The following CTSE variants were observed in gnomAD, a reference collection of about 807,000 sequenced individuals.
CTSE encodes cathepsin E.
Under a neutral mutation model 42.8 loss-of-function variants are expected in CTSE, and 43 were observed. The observed-to-expected ratio is 1.01, with a 90% confidence interval of 0.79 to 1.30. The LOEUF is 1.30. Among genes scored for constraint, CTSE ranks in the 50% most tolerant of loss-of-function variants. CTSE has a pLI of 0.00. For missense variants in CTSE, 532 were observed against 493.5 expected, an observed-to-expected ratio of 1.08 and a Z score of -0.74; for synonymous variants, 205 against 191.5, an observed-to-expected ratio of 1.07 and a Z score of -0.58.
chr1:206,021,079 CA>C lies in CTSE; in HGVS notation c.431del (p.Leu144CysfsTer15), dbSNP rs782596892. On this transcript the variant is annotated frameshift_variant, in exon 4 of 9. Coordinates refer to ENST00000358184, the MANE Select transcript of CTSE (RefSeq NM_001910.4). LOFTEE classifies it high-confidence loss of function. ...CTTGGTCGGCTCCAATGATCCCGGACAAGCTCCCGGTTCCATACTGAATGGA... is the reference window on the plus strand; with the variant it reads ...CTTGGTCGGCTCCAATGATCCCGGACAGCTCCCGGTTCCATACTGAATGGA... ...SFSIQYGTGS[L>X]SGIIGADQVS... 5 of 1,613,232 alleles carry C rather than the reference CA, an allele frequency of 3.1e-6. No homozygotes were observed. The highest frequency in any genetic ancestry group is 2.5e-6 in the Non-Finnish European group (3 of 1,179,238).
In CTSE at chr1:206,022,160, G is replaced by T. The variant is rs1661455685; in HGVS notation, c.333C>A (p.Ser111Arg). The change falls in exon 3 of 9, where the codon AGC becomes AGA. Residue 111 changes from serine (S) to arginine (R), a missense_variant. By Grantham distance (110) the Ser-to-Arg change is moderately radical. Transcript: ENST00000358184. ...NLWVPSVYCT[S>R]PACKTHSRFQ... Reference sequence around the variant, plus strand: ...CCTGGCCCCACTTACTGCAGGCTGGGCTAGTGCAGTACACAGAGGGGACCC... The same window carrying T: ...CCTGGCCCCACTTACTGCAGGCTGGTCTAGTGCAGTACACAGAGGGGACCC... 1.2e-6 allele frequency: 2 copies of T among 1,601,230 alleles called. No individual in the cohort carries two copies. Among genetic ancestry groups the T allele is most frequent in the African/African-American group, 2.7e-5 (2 of 74,678 alleles).
chr1:206,022,139 GC>G lies in CTSE; in HGVS notation c.343+10del. 6.5e-7 allele frequency: 1 copy of G among 1,548,096 alleles called. No homozygotes were observed. The highest frequency in any genetic ancestry group is 8.9e-7 in the Non-Finnish European group (1 of 1,129,040). On this transcript the variant is annotated intron_variant, in intron 3 of 8. Transcript: ENST00000358184. Reference sequence around the variant, plus strand: ...CAGACATTCTCTGCTGGTGCTCCTGGCCCCACTTACTGCAGGCTGGGCTAGT... The same window carrying G: ...CAGACATTCTCTGCTGGTGCTCCTGGCCCACTTACTGCAGGCTGGGCTAGT...
At chr1:206,021,666 T>C (rs1447763873) in intron 3 of CTSE, among the ~76,000 whole-genome samples, 1 of 151,960 alleles carries the variant, frequency 6.6e-6, no homozygotes, top group African/African-American at 2.4e-5. Context: ...CTGAAACTTC[T>C]GAGTTACCTC....
rs1473393107 is a variant in CTSE, at chr1:206,022,199, G to T, written c.294C>A (p.Gly98=). The change falls in exon 3 of 9, where the codon GGC becomes GGA. Residue 98 remains glycine, a synonymous_variant. Transcript: ENST00000358184. ...CAGAGGGGACCCAGAGGTTGGAGGA[G>T]CCAGTGTCGAAGATGACAGTGAAGT... is the stretch of plus-strand genomic sequence containing the variant. The part of the protein sequence containing the change: ...PQNFTVIFDT[G]SSNLWVPSVY... 6.2e-7 allele frequency: 1 copy of T among 1,613,052 alleles called. No homozygotes were observed. Among genetic ancestry groups the T allele is most frequent in the Non-Finnish European group, 8.5e-7 (1 of 1,179,400 alleles).
Position 206,010,234 on chromosome 1 carries a change from T to A in CTSE, c.1140A>T (p.Ser380=). ...LGDVFIRQFY[S]VFDRGNNRVG... ...CACGGTTATTCCCACGGTCAAAGAC[T>A]GAGTAAAACTGTCGAATGAAGACAT... The change falls in exon 9 of 9, where the codon TCA becomes TCT. Residue 380 remains serine (S), a synonymous_variant. Transcript: ENST00000358184. 6.2e-7 allele frequency: 1 copy of A among 1,613,788 alleles called. No individual in the cohort carries two copies. Among genetic ancestry groups the A allele is most frequent in the Non-Finnish European group, 8.5e-7 (1 of 1,179,786 alleles).
Position 206,023,773 on chromosome 1 carries a change from AAAG to A in CTSE, c.16_18del (p.Leu9del). The A allele has an allele frequency of 1.2e-6, 2 of 1,613,580 alleles. No individual in the cohort carries two copies. The highest frequency in any genetic ancestry group is 1.7e-6 in the Non-Finnish European group (2 of 1,179,742). On this transcript the variant is annotated inframe_deletion, in exon 1 of 9. Coordinates refer to ENST00000358184, the MANE Select transcript of CTSE (RefSeq NM_001910.4). ...CCCAGCTCCAGGAGCACCAGCAGCA[AAAG>A]AAGGAGCGTTTTCATTGTGAGTCCG...
rs186611788 is a variant in CTSE, at chr1:206,021,175, G to A, written c.344-8C>T. On this transcript the variant is annotated splice_region_variant and splice_polypyrimidine_tract_variant and intron_variant, in intron 3 of 8. Transcript: ENST00000358184. ...GGAACCTGCTGTGCGTCTCTGGAAA[G>A]AAGTGCACTGCTCTTGCTTATGCCA... The A allele has an allele frequency of 1.3e-6, 2 of 1,594,560 alleles. No individual in the cohort carries two copies. The highest frequency in any genetic ancestry group is 2.7e-5 in the African/African-American group (2 of 74,692).
chr1:206,019,661 G>A (rs1269614850), intron 4 of CTSE, among the ~76,000 whole-genome samples: 1 of 148,862 alleles, frequency 6.7e-6, no homozygotes, highest in African/African-American at 2.5e-5. Context: ...CTTCAAAATA[G>A]TCATTTTAAC....
intron 6 of CTSE, 132 bp downstream of exon 6, chr1:206,013,640 C>G: frequency 8.5e-6 from 10 of 1,175,300 alleles, no homozygotes; most frequent in Non-Finnish European, 9.7e-6. Flanking sequence ...CTCAGCACCT[C>G]CATACCTCCA....
In CTSE at chr1:206,012,424, G is replaced by A; in HGVS notation, c.928-18C>T. 6.2e-7 allele frequency: 1 copy of A among 1,613,750 alleles called. No homozygotes were observed. The highest frequency in any genetic ancestry group is 2.2e-5 in the East Asian group (1 of 44,882). The stretch of plus-strand genomic sequence containing the variant: ...ACAGCATACTAAAACCCAATACGGA[G>A]GATCCGTTTAGAGCCTTGCCACCTC... On this transcript the variant is annotated intron_variant, in intron 7 of 8. Coordinates refer to ENST00000358184, the MANE Select transcript of CTSE (RefSeq NM_001910.4).
At chr1:206,023,150 G>GTTTT in intron 1 of CTSE, 93 bp from the exon 2 acceptor site, 1 of 462,012 alleles carries the variant, frequency 2.2e-6, no homozygotes, top group Non-Finnish European at 4.3e-6. Context: ...AACTAGAGAA[G>GTTTT]ATGGGGTGGG....
chr1:206,013,423 T>C (rs1381401341), intron 6 of CTSE, among the ~76,000 whole-genome samples: 1 of 151,978 alleles, frequency 6.6e-6, no homozygotes, highest in Non-Finnish European at 1.5e-5. Flanking sequence ...TCTGTACAAG[T>C]TTTTTGAGGA....
chr1:206,013,479 T>A (rs1661176185), intron 6 of CTSE, among the ~76,000 whole-genome samples: 1 of 152,008 alleles, frequency 6.6e-6, no homozygotes, highest in Non-Finnish European at 1.5e-5. Context: ...ATGTTACTCA[T>A]CCCTTGCCTT....
chr1:206,013,440 CTGAGCCCAATTCACCTG>C (rs1442009637), intron 6 of CTSE, among the ~76,000 whole-genome samples: 2 of 152,002 alleles, frequency 1.3e-5, no homozygotes, highest in African/African-American at 4.8e-5. Flanking sequence ...AGGACAAGAT[CTGAGCCCAATTCACCTG>C]TGCAACCCCC....
intron 4 of CTSE, among the ~76,000 whole-genome samples, chr1:206,017,499 AT>A (rs1234067610): frequency 7.9e-5 from 12 of 151,802 alleles, no homozygotes; most frequent in Admixed American, 5.3e-4. Context: ...AATCCAAATG[AT>A]TTTTTTTGAG....
chr1:206,020,939 T>C lies in CTSE; in HGVS notation c.462+110A>G, dbSNP rs76092913. 3,665 of 787,666 alleles carry C rather than the reference T, an allele frequency of 4.7e-3. 56 individuals carry two copies. The highest frequency in any genetic ancestry group is 0.039 in the African/African-American group (2,285 of 59,018). The allele number at this position is 787,666 out of a possible 1,614,324, so 48.8% of individuals were successfully genotyped here. The stretch of plus-strand genomic sequence containing the variant: ...GCTTGCCCTTTCTCCTAGAAGTTAG[T>C]GCTAACCCCTGTTTCCACCCATTCC... On this transcript the variant is annotated intron_variant, in intron 4 of 8. Coordinates refer to ENST00000358184, the MANE Select transcript of CTSE (RefSeq NM_001910.4).
At chr1:206,016,198 C>T (rs1661259928) in intron 4 of CTSE, 68 bp from the exon 5 acceptor site, 3 of 1,423,152 alleles carry the variant, frequency 2.1e-6, no homozygotes, top group Non-Finnish European at 3.0e-6. Flanking sequence ...GGGTTTGACT[C>T]CTGGATTTTC....
chr1:206,023,122 C>T (rs1489335743), intron 1 of CTSE, 65 bp from the exon 2 acceptor site: 19 of 1,487,402 alleles, frequency 1.3e-5, no homozygotes, highest in Middle Eastern at 1.9e-4. Flanking sequence ...CCATTCTCGT[C>T]CCATTTTCTC....
rs1232065727 is a variant in CTSE at position 206,022,952 on chromosome 1, C to G, written c.174G>C (p.Glu58Asp). The change falls in exon 2 of 9, where the codon GAG becomes GAC. Residue 58 changes from glutamate to aspartate, a missense_variant. Glu to Asp is a conservative substitution (Grantham distance 45). Transcript: ENST00000358184. ...TGGCACTCTGGTCCATTGAGCAGGA[C>G]TCGGTGAACTGGATCATGTCCAAAT... is the stretch of plus-strand genomic sequence containing the variant. ...SHNLDMIQFT[E>D]SCSMDQSAKE... The G allele has an allele frequency of 1.9e-6, 3 of 1,608,830 alleles. No individual in the cohort carries two copies. Among genetic ancestry groups the G allele is most frequent in the African/African-American group, 2.7e-5 (2 of 74,868 alleles).
Sources: gnomAD v4.1 joint callset for allele counts (sites outside exome capture counted in the v4.1 genomes callset) on GRCh38, gnomAD v4.1.1 for gene constraint, MANE v1.5 for transcripts, NCBI Gene and HGNC (gene_info 2026-07-23, HGNC 2026-07-21) for gene names.